The following NEBL variants were observed in gnomAD, a reference collection of about 807,000 sequenced individuals.
The protein encoded by NEBL is nebulette.
A neutral mutation model predicts 140.2 loss-of-function variants in NEBL; 122 were observed. The observed-to-expected ratio is 0.87, with a 90% CI of 0.75 to 1.01. The LOEUF is 1.01. Among genes scored for constraint, NEBL ranks in the 50% least tolerant of loss-of-function variants. The pLI is 0.00. For missense variants in NEBL, 1,365 were observed against 1,231.3 expected, an observed-to-expected ratio of 1.11 and a Z score of -1.62; for synonymous variants, 436 against 398.9, an observed-to-expected ratio of 1.09 and a Z score of -1.11.
intron 2 of NEBL, chr10:21,029,827 C>T: frequency 1.4e-6 from 1 of 702,746 alleles, no homozygotes; most frequent in African/African-American, 1.7e-5. Context: ...CCTGGATAGG[C>T]AGTGGCAGAA....
chr10:20,852,263 C>T (rs1335896801), intron 10 of NEBL, among the ~76,000 whole-genome samples: 1 of 152,134 alleles, frequency 6.6e-6, no homozygotes, highest in Non-Finnish European at 1.5e-5. Context: ...GTGGTTTGAC[C>T]ATAGTTTAAT....
At chr10:20,905,768 A>G (rs1848067461) in intron 4 of NEBL, among the ~76,000 whole-genome samples, 1 of 152,200 alleles carries the variant, frequency 6.6e-6, no homozygotes, top group South Asian at 2.1e-4. Context: ...CTGGAGCAAT[A>G]CAATAGGACA....
Position 20,993,771 on chromosome 10 carries a change from T to C in NEBL, c.249+26346A>G, listed in dbSNP as rs552764287. The stretch of plus-strand genomic sequence containing the variant: ...GAGTCACATGGCAAAGATGTGGGCA[T>C]ACGATTCAAAAAGGGGGAGGTGACG... On this transcript the variant is annotated intron_variant, in intron 3 of 6. Transcript: ENST00000417816. 5.8e-4 allele frequency among the ~76,000 whole-genome samples: 89 copies of C among 152,246 alleles called. No individual in the cohort carries two copies. The South Asian group carries it at 0.018, about 30-fold the overall frequency.
chr10:21,228,255 G>T (rs1416012616), intron 3 of NEBL, among the ~76,000 whole-genome samples: 1 of 151,998 alleles, frequency 6.6e-6, no homozygotes, highest in Non-Finnish European at 1.5e-5. Context: ...CTGAAGTCAC[G>T]CAATGCTCCC....
Position 21,079,834 on chromosome 10 carries a change from T to A in NEBL, c.165-59633A>T, listed in dbSNP as rs116730101. Among the ~76,000 whole-genome samples, 289 of 152,356 alleles carry A rather than the reference T, an allele frequency of 1.9e-3. 1 individual carries two copies. Among genetic ancestry groups the A allele is most frequent in the African/African-American group, 6.2e-3 (258 of 41,566 alleles). On this transcript the variant is annotated intron_variant, in intron 2 of 6. Coordinates refer to the NEBL transcript ENST00000417816. The stretch of plus-strand genomic sequence containing the variant: ...TAAGATCATTATTTGTTCTTTGTAC[T>A]CTGCCCCACCACCCAAGGTAGCTCC...
At chr10:20,787,645 T>G (rs1835541154) in intron 26 of NEBL, among the ~76,000 whole-genome samples, 1 of 152,208 alleles carries the variant, frequency 6.6e-6, no homozygotes, top group African/African-American at 2.4e-5. Flanking sequence ...GTGATCCTTT[T>G]TGGCATTTTC....
At chr10:20,820,130 C>T (rs10764285) in intron 19 of NEBL, among the ~76,000 whole-genome samples, 44,395 of 152,014 alleles carry the variant, frequency 0.29, 6,724 homozygotes, top group East Asian at 0.5. Flanking sequence ...AAATCCTGTA[C>T]CTGAACTTTA....
chr10:21,281,975 A>C (rs1317609848), intron 1 of NEBL, among the ~76,000 whole-genome samples: 3 of 152,226 alleles, frequency 2.0e-5, no homozygotes, highest in African/African-American at 4.8e-5. Context: ...AACAAACAAA[A>C]GATGCAATTG....
At chr10:21,089,977 A>C (rs1313688458) in intron 2 of NEBL, among the ~76,000 whole-genome samples, 1 of 152,132 alleles carries the variant, frequency 6.6e-6, no homozygotes, top group African/African-American at 2.4e-5. Flanking sequence ...AATGGCCTCT[A>C]TGTTGATGAC....
At chr10:21,228,904 A>G (rs1842207934) in intron 3 of NEBL, among the ~76,000 whole-genome samples, 1 of 152,122 alleles carries the variant, frequency 6.6e-6, no homozygotes, top group Non-Finnish European at 1.5e-5. Context: ...GTAGTAGCCC[A>G]TGGGTTGAGG....
intron 3 of NEBL, among the ~76,000 whole-genome samples, chr10:21,227,078 A>C (rs1824829120): frequency 6.6e-6 from 1 of 152,172 alleles, no homozygotes; most frequent in African/African-American, 2.4e-5. Flanking sequence ...TGAAATCTCA[A>C]ATCAGTAACA....
chr10:20,955,225 C>T (rs575796343), intron 4 of NEBL, among the ~76,000 whole-genome samples: 2 of 152,142 alleles, frequency 1.3e-5, no homozygotes, highest in Non-Finnish European at 2.9e-5. Flanking sequence ...TGGAAAGAGA[C>T]ATGGATGATC....
intron 26 of NEBL, among the ~76,000 whole-genome samples, chr10:20,787,574 T>A (rs182951749): frequency 7.2e-4 from 109 of 150,910 alleles, no homozygotes; most frequent in African/African-American, 2.5e-3. Context: ...GATGCTCAGT[T>A]AAAAACATAA....
intron 3 of NEBL, among the ~76,000 whole-genome samples, chr10:21,196,594 C>A (rs1399968504): frequency 6.6e-6 from 1 of 152,112 alleles, no homozygotes; most frequent in Non-Finnish European, 1.5e-5. Flanking sequence ...ATCCGCCCGC[C>A]TCAGTCTCCC....
At chr10:20,896,851 G>T in intron 2 of NEBL, 107 bp downstream of exon 2, 1 of 974,018 alleles carries the variant, frequency 1.0e-6, no homozygotes, top group Non-Finnish European at 1.7e-6. Flanking sequence ...AAGTGACTGT[G>T]TTTTAAAAGG....
intron 2 of NEBL, among the ~76,000 whole-genome samples, chr10:21,038,044 A>G (rs1458060225): frequency 6.6e-6 from 1 of 152,124 alleles, no homozygotes. Flanking sequence ...GAGAGAGAGA[A>G]AAGTTTGCCT....
chr10:20,828,422 G>GA (rs1326991880), intron 17 of NEBL, 108 bp downstream of exon 17: 3 of 724,864 alleles, frequency 4.1e-6, no homozygotes, highest in African/African-American at 1.8e-5. Flanking sequence ...ACACTTGACA[G>GA]AAAATTCAAC....
In NEBL at chr10:20,812,863, T is replaced by G; in HGVS notation, c.2424A>C (p.Arg808Ser). The G allele has an allele frequency of 6.2e-7, 1 of 1,614,032 alleles. No individual in the cohort carries two copies. Residue 808 changes from arginine (R) to serine (S), a missense_variant, in exon 24 of 28, where the codon AGA becomes AGC. Physicochemically the swap from Arg to Ser is moderately radical, Grantham distance 110 (BLOSUM62 -1). Transcript: ENST00000377122. ...TPVVDDPVTE[R>S]VRKNTQVVSD... ...TGACCACCTGGGTGTTCTTCCTCAC[T>G]CTCTCTGTCACAGGATCGTCCACGA... is the stretch of plus-strand genomic sequence containing the variant.
chr10:21,122,483 G>C (rs1050583431), intron 2 of NEBL, among the ~76,000 whole-genome samples: 5 of 152,124 alleles, frequency 3.3e-5, no homozygotes, highest in African/African-American at 1.2e-4. Context: ...AGGCTCACTT[G>C]ATTAAAAATC....
Sources: gnomAD v4.1 joint callset for allele counts (sites outside exome capture counted in the v4.1 genomes callset) on GRCh38, gnomAD v4.1.1 for gene constraint, MANE v1.5 for transcripts, NCBI Gene and HGNC (gene_info 2026-07-23, HGNC 2026-07-21) for gene names.